The following CORO2B variants were observed in gnomAD, a reference collection of about 807,000 sequenced individuals.
The protein encoded by CORO2B is coronin 2B.
Under a neutral mutation model 58.8 loss-of-function variants are expected in CORO2B, and 26 were observed. The observed-to-expected ratio is 0.44, with a 90% CI of 0.32 to 0.61. The LOEUF is 0.61. CORO2B is among the 20% of genes least tolerant of loss of function. The pLI, the probability that CORO2B is intolerant of heterozygous loss-of-function variation, is 0.04. For synonymous variants in CORO2B, 242 were observed against 253.8 expected (o/e 0.95, Z 0.44); for missense variants, 460 against 645.1 (o/e 0.71, Z 3.11).
At chr15:68,547,532 C>T in the CORO2B span, among the ~76,000 whole-genome samples, 22,987 of 151,960 alleles carry the variant, frequency 0.15, 2,097 homozygotes, top group Middle Eastern at 0.25. Flanking sequence ...TTAGTAGAGA[C>T]GGGGTTTTAC....
At chr15:68,669,217 A>G (rs572258507) in intron 2 of CORO2B, among the ~76,000 whole-genome samples, 4 of 151,700 alleles carry the variant, frequency 2.6e-5, no homozygotes, top group African/African-American at 9.7e-5. Context: ...CAAGCCGGAG[A>G]CAGGACTCGG....
At chr15:68,602,908 G>A (rs1900019423) in intron 1 of CORO2B, among the ~76,000 whole-genome samples, 1 of 152,176 alleles carries the variant, frequency 6.6e-6, no homozygotes, top group Non-Finnish European at 1.5e-5. Context: ...CCCTGGTTGG[G>A]ATATATATAA....
At chr15:68,553,794 G>A in the CORO2B span, among the ~76,000 whole-genome samples, 1 of 152,210 alleles carries the variant, frequency 6.6e-6, no homozygotes, top group Admixed American at 6.5e-5. Flanking sequence ...CTGGGGAGAG[G>A]AGATGAAGCT....
At chr15:68,641,492 A>C in intron 1 of CORO2B, 1 of 979,278 alleles carries the variant, frequency 1.0e-6, no homozygotes, top group Non-Finnish European at 1.2e-6. Flanking sequence ...AGCAGGGAAA[A>C]GGAGAAGGGG....
chr15:68,722,197 A>G (rs1405290628), intron 11 of CORO2B, among the ~76,000 whole-genome samples: 2 of 152,248 alleles, frequency 1.3e-5, no homozygotes, highest in Non-Finnish European at 2.9e-5. Context: ...AGTTAAATCA[A>G]GCAATATTTC....
chr15:68,657,832 T>C (rs1268145113), intron 2 of CORO2B, among the ~76,000 whole-genome samples: 1 of 152,154 alleles, frequency 6.6e-6, no homozygotes, highest in African/African-American at 2.4e-5. Flanking sequence ...ATGTAAGTTG[T>C]CTCCTACCCA....
At chr15:68,527,648 C>A in the CORO2B span, among the ~76,000 whole-genome samples, 1 of 152,110 alleles carries the variant, frequency 6.6e-6, no homozygotes, top group African/African-American at 2.4e-5. Flanking sequence ...TGCAGATTTT[C>A]TAAATCTTTT....
In CORO2B at chr15:68,725,969, T is replaced by G; in HGVS notation, c.1438T>G (p.Cys480Gly). The change falls in exon 12 of 12, where the codon TGT becomes GGT. Residue 480 changes from cysteine to glycine, a missense_variant. By Grantham distance (159) the Cys-to-Gly change is radical. Transcript: ENST00000261861. ...AAACTTGCGCAACAGCCCCAAGAACTGTTAGCTCCCCAGCTGGGCTGTTTT... is the reference window on the plus strand; with the variant it reads ...AAACTTGCGCAACAGCCCCAAGAACGGTTAGCTCCCCAGCTGGGCTGTTTT... ...LKNLRNSPKN[C>G] The G allele has an allele frequency of 6.2e-7, 1 of 1,613,540 alleles. No individual in the cohort carries two copies. The highest frequency in any genetic ancestry group is 1.1e-5 in the South Asian group (1 of 91,074).
chr15:68,712,017 C>G (rs553611214), intron 5 of CORO2B, among the ~76,000 whole-genome samples: 1 of 152,244 alleles, frequency 6.6e-6, no homozygotes, highest in Non-Finnish European at 1.5e-5. Flanking sequence ...CAGGTGTTAC[C>G]CAGGTCCACC....
At chr15:68,724,146 G>A (rs538347848) in intron 11 of CORO2B, among the ~76,000 whole-genome samples, 1 of 152,340 alleles carries the variant, frequency 6.6e-6, no homozygotes, top group Non-Finnish European at 1.5e-5. Flanking sequence ...AGGTTGCAGT[G>A]AGCCAAGATC....
chr15:68,683,755 G>C (rs1196421074), intron 2 of CORO2B, among the ~76,000 whole-genome samples: 2 of 152,212 alleles, frequency 1.3e-5, no homozygotes, highest in Non-Finnish European at 2.9e-5. Flanking sequence ...CTCGGCAAGA[G>C]AGTGTGGCCT....
chr15:68,725,923 G>T lies in CORO2B; in HGVS notation c.1392G>T (p.Arg464=). The change falls in exon 12 of 12, where the codon CGG becomes CGT. Residue 464 remains arginine, a synonymous_variant. Coordinates refer to ENST00000261861, the MANE Select transcript of CORO2B (RefSeq NM_006091.5). ...EELAQKDIRI[R]QLQLELKNLR... ...TGGCCCAGAAGGACATCCGCATTCGGCAGCTCCAGCTGGAACTGAAAAACT... is the reference window on the plus strand; with the variant it reads ...TGGCCCAGAAGGACATCCGCATTCGTCAGCTCCAGCTGGAACTGAAAAACT... 3.7e-6 allele frequency: 6 copies of T among 1,613,992 alleles called. No individual in the cohort carries two copies. The highest frequency in any genetic ancestry group is 1.1e-5 in the South Asian group (1 of 91,078).
In CORO2B at chr15:68,715,271, C is replaced by A. The variant is rs1476741205; in HGVS notation, c.927C>A (p.Tyr309Ter). The A allele has an allele frequency of 1.2e-6, 2 of 1,613,974 alleles. No individual in the cohort carries two copies. Among genetic ancestry groups the A allele is most frequent in the Non-Finnish European group, 1.7e-6 (2 of 1,180,008 alleles). Residue 309 changes from tyrosine to a stop codon, truncating the protein, a stop_gained, in exon 8 of 12, where the codon TAC (tyrosine) becomes TAA (stop). Transcript: ENST00000261861. LOFTEE classifies it high-confidence loss of function. ...EISTEKPYLS[Y>*]LMEFRSPAPQ... is the part of the protein sequence containing the mutation. ...GCACTGAGAAGCCCTACCTGAGTTACCTCATGGAGTTCCGCTCCCCAGCCC... is the reference window on the plus strand; with the variant it reads ...GCACTGAGAAGCCCTACCTGAGTTAACTCATGGAGTTCCGCTCCCCAGCCC...
At chr15:68,614,181 T>A (rs1252770116) in intron 1 of CORO2B, among the ~76,000 whole-genome samples, 3 of 152,200 alleles carry the variant, frequency 2.0e-5, no homozygotes, top group African/African-American at 7.2e-5. Flanking sequence ...TGTGAACACA[T>A]CTTAATGTGT....
chr15:68,600,651 G>A (rs541536325), intron 1 of CORO2B, among the ~76,000 whole-genome samples: 1 of 152,310 alleles, frequency 6.6e-6, no homozygotes, highest in South Asian at 2.1e-4. Flanking sequence ...CATGGGTGCC[G>A]ACCAGTGGGC....
upstream of CORO2B, among the ~76,000 whole-genome samples, chr15:68,575,058 C>T (rs1412780926): frequency 6.6e-6 from 1 of 152,220 alleles, no homozygotes; most frequent in African/African-American, 2.4e-5. Context: ...AGAGCCCAGA[C>T]TTGAGCTGAC....
chr15:68,719,249 G>A lies in CORO2B; in HGVS notation c.1171+15G>A. On this transcript the variant is annotated intron_variant, in intron 10 of 11. Coordinates refer to ENST00000261861, the MANE Select transcript of CORO2B (RefSeq NM_006091.5). ...CATCAACCGAGGTACCACAGCGGGG[G>A]GCTCCACAGAGCACAGGCGGCTGCA... 6.2e-7 allele frequency: 1 copy of A among 1,612,712 alleles called. No homozygotes were observed. The highest frequency in any genetic ancestry group is 8.5e-7 in the Non-Finnish European group (1 of 1,178,926).
At chr15:68,722,286 G>A (rs1893180241) in intron 11 of CORO2B, among the ~76,000 whole-genome samples, 1 of 151,088 alleles carries the variant, frequency 6.6e-6, no homozygotes, top group Non-Finnish European at 1.5e-5. Flanking sequence ...CAAAACAGAT[G>A]CCACAATCTA....
At chr15:68,653,999 G>A (rs1005870914) in intron 2 of CORO2B, among the ~76,000 whole-genome samples, 3 of 152,086 alleles carry the variant, frequency 2.0e-5, no homozygotes, top group Admixed American at 1.3e-4. Flanking sequence ...GCTGCCTTCC[G>A]CTTGGTGCAA....
Sources: allele counts gnomAD v4.1 joint callset (sites outside exome capture counted in the v4.1 genomes callset), GRCh38; gene constraint gnomAD v4.1.1; transcripts MANE v1.5; gene names NCBI Gene and HGNC (gene_info 2026-07-23, HGNC 2026-07-21).